The following VPS13B variants were observed in gnomAD, a reference collection of about 807,000 sequenced individuals.
The protein encoded by VPS13B is vacuolar protein sorting 13 homolog B, also known as intermembrane lipid transfer protein VPS13B.
Under a neutral mutation model 426.4 loss-of-function variants are expected in VPS13B, and 285 were observed. The ratio of observed to expected loss-of-function variants is 0.67; its 90% CI spans 0.61 to 0.74. The LOEUF is 0.74. Among genes scored for constraint, VPS13B ranks in the 30% least tolerant of loss-of-function variants. The probability of loss-of-function intolerance (pLI) is 0.00; values close to 1 mark genes in which losing one functional copy is unlikely to be tolerated. For synonymous variants in VPS13B, 1,676 were observed against 1,676.4 expected (o/e 1.00, Z 0.01); for missense variants, 4,537 against 4,782.6 (o/e 0.95, Z 1.51).
At chr8:99,817,127 C>T (rs1814085848) in intron 44 of VPS13B, among the ~76,000 whole-genome samples, 1 of 151,962 alleles carries the variant, frequency 6.6e-6, no homozygotes, top group Non-Finnish European at 1.5e-5. Context: ...TTCTCTGGCC[C>T]CATTTTCTAG....
intron 57 of VPS13B, among the ~76,000 whole-genome samples, 195 bp downstream of exon 57, chr8:99,859,675 C>G (rs1255054808): frequency 6.6e-6 from 1 of 152,146 alleles, no homozygotes; most frequent in Non-Finnish European, 1.5e-5. Context: ...CTACTTGCCT[C>G]TGGTGTGTGA....
chr8:99,425,129 G>C (rs901660959), intron 21 of VPS13B, among the ~76,000 whole-genome samples: 3 of 152,056 alleles, frequency 2.0e-5, no homozygotes, highest in East Asian at 1.9e-4. Flanking sequence ...CAAATTCTAC[G>C]AGAGGTACAA....
intron 17 of VPS13B, among the ~76,000 whole-genome samples, chr8:99,202,511 A>T (rs1225209341): frequency 6.6e-6 from 1 of 152,214 alleles, no homozygotes; most frequent in Admixed American, 6.5e-5. Flanking sequence ...AGTCAAATCC[A>T]TGAATAGACC....
chr8:99,562,563 G>A (rs1270468457), intron 31 of VPS13B, among the ~76,000 whole-genome samples: 2 of 152,136 alleles, frequency 1.3e-5, no homozygotes, highest in Admixed American at 1.3e-4. Context: ...TTACCAGTGT[G>A]AGCCACCGCA....
At chr8:99,387,239 A>G (rs1033523634) in intron 20 of VPS13B, among the ~76,000 whole-genome samples, 2 of 151,924 alleles carry the variant, frequency 1.3e-5, no homozygotes, top group African/African-American at 4.8e-5. Context: ...TTTTTTCCAC[A>G]CAGGTTCTTG....
chr8:99,634,493 T>C (rs1828994399), intron 33 of VPS13B, among the ~76,000 whole-genome samples: 1 of 152,050 alleles, frequency 6.6e-6, no homozygotes, highest in Non-Finnish European at 1.5e-5. Flanking sequence ...ACTGTAGTAC[T>C]CTTTATCTTT....
At chr8:99,471,122 G>A (rs956690167) in intron 24 of VPS13B, among the ~76,000 whole-genome samples, 5 of 152,068 alleles carry the variant, frequency 3.3e-5, no homozygotes, top group Admixed American at 6.6e-5. Context: ...TTTGTCACCA[G>A]CTGCTCTATT....
Position 99,279,563 on chromosome 8 carries a change from C to G in VPS13B, c.2824+4309C>G, listed in dbSNP as rs191072693. ...GGCATGAGCCACTGTGCCCAGACTC[C>G]CTTGTCTTTTTAATATAGACTTTGG... is the stretch of plus-strand genomic sequence containing the variant. On this transcript the variant is annotated intron_variant, in intron 19 of 61. Coordinates refer to ENST00000357162, the MANE Select transcript of VPS13B (RefSeq NM_152564.5). Among the ~76,000 whole-genome samples the G allele has an allele frequency of 6.3e-3, 963 of 152,176 alleles. 8 individuals carry two copies. The highest frequency in any genetic ancestry group is 0.022 in the African/African-American group (904 of 41,504).
chr8:99,636,768 T>C (rs760252234), intron 33 of VPS13B, among the ~76,000 whole-genome samples: 1 of 152,052 alleles, frequency 6.6e-6, no homozygotes, highest in Non-Finnish European at 1.5e-5. Context: ...TCTGAAACAT[T>C]ATCTTCTTCG....
At chr8:99,108,218 G>A (rs1365475781) in intron 5 of VPS13B, among the ~76,000 whole-genome samples, 3 of 152,148 alleles carry the variant, frequency 2.0e-5, no homozygotes, top group Admixed American at 6.5e-5. Flanking sequence ...TGGTGGATAC[G>A]TCTTGTATTT....
At chr8:99,161,075 A>G (rs536555056) in intron 15 of VPS13B, among the ~76,000 whole-genome samples, 108 of 152,340 alleles carry the variant, frequency 7.1e-4, no homozygotes, top group Non-Finnish European at 1.3e-3. Flanking sequence ...AGTAGCAGAA[A>G]TATTTTCAAA....
Position 99,876,961 on chromosome 8 carries a change from T to A in VPS13B, c.*1295T>A, listed in dbSNP as rs751783665. 8 of 152,202 alleles carry A rather than the reference T, an allele frequency of 5.3e-5. No homozygotes were observed. The highest frequency in any genetic ancestry group is 1.4e-4 in the African/African-American group (6 of 41,442). 9.4% of individuals were successfully genotyped at this position (152,202 alleles called of 1,614,324 possible). Reference sequence around the variant, plus strand: ...AAGCTCACTGCCTGGGCTCAAGTGATCTTACTCCAGCCTCCCAAGCAGCTG... The same window carrying A: ...AAGCTCACTGCCTGGGCTCAAGTGAACTTACTCCAGCCTCCCAAGCAGCTG... On this transcript the variant is annotated 3_prime_UTR_variant, in exon 62 of 62. Transcript: ENST00000357162.
At chr8:99,654,608 G>A (rs1198881867) in intron 34 of VPS13B, among the ~76,000 whole-genome samples, 1 of 152,118 alleles carries the variant, frequency 6.6e-6, no homozygotes, top group Non-Finnish European at 1.5e-5. Context: ...TTCTGATAGT[G>A]ACCTCTTATT....
At chr8:99,239,139 A>C (rs762179455) in intron 17 of VPS13B, among the ~76,000 whole-genome samples, 29 of 152,122 alleles carry the variant, frequency 1.9e-4, no homozygotes, top group Admixed American at 6.6e-4. Context: ...ATTGGAAAAT[A>C]ATGTGTATTT....
intron 39 of VPS13B, among the ~76,000 whole-genome samples, chr8:99,759,550 G>C (rs555948738): frequency 6.6e-6 from 1 of 152,242 alleles, no homozygotes; most frequent in South Asian, 2.1e-4. Flanking sequence ...ATGAACTGTA[G>C]CTGTGTATCA....
chr8:99,377,000 A>G (rs1588307821), intron 19 of VPS13B, among the ~76,000 whole-genome samples: 1 of 152,108 alleles, frequency 6.6e-6, no homozygotes, highest in Non-Finnish European at 1.5e-5. Flanking sequence ...TTGAATTAAA[A>G]TTATATAATG....
intron 35 of VPS13B, among the ~76,000 whole-genome samples, chr8:99,675,082 C>G (rs960595708): frequency 6.6e-6 from 1 of 151,902 alleles, no homozygotes; most frequent in African/African-American, 2.4e-5. Context: ...TTTCTTTCAG[C>G]TTGAAAAAAA....
intron 3 of VPS13B, among the ~76,000 whole-genome samples, chr8:99,084,160 T>G (rs1490487265): frequency 6.6e-6 from 1 of 152,212 alleles, no homozygotes; most frequent in Non-Finnish European, 1.5e-5. Context: ...ATTCAGAGAT[T>G]CAACTTCTTC....
At chr8:99,528,440 C>T (rs1290635139) in intron 30 of VPS13B, among the ~76,000 whole-genome samples, 1 of 152,042 alleles carries the variant, frequency 6.6e-6, no homozygotes, top group Non-Finnish European at 1.5e-5. Context: ...ATATTTTTGA[C>T]TAGAACATAT....
Sources: allele counts gnomAD v4.1 joint callset (sites outside exome capture counted in the v4.1 genomes callset), GRCh38; gene constraint gnomAD v4.1.1; transcripts MANE v1.5; gene names NCBI Gene and HGNC (gene_info 2026-07-23, HGNC 2026-07-21).